Variants in ZNF488 observed in about 807,000 individuals in gnomAD.
ZNF488 encodes the protein zinc finger protein 488.
ZNF488 carries 1 observed loss-of-function variant against 1.2 expected under a neutral mutation model. That is an observed-to-expected ratio of 0.86 (90% CI 0.30 to 4.07). The LOEUF (loss-of-function observed/expected upper bound fraction) is 4.07, where lower values mean the gene tolerates loss of function less well. Among genes scored for constraint, ZNF488 ranks in the 30% most tolerant of loss-of-function variants. The pLI is 0.18. For synonymous variants in ZNF488, 185 were observed against 190.1 expected (o/e 0.97, Z 0.22); for missense variants, 450 against 437.9 (o/e 1.03, Z -0.25).
chr10:47,367,680 T>G lies in ZNF488; in HGVS notation c.*127A>C. 1 of 1,079,020 alleles carries G rather than the reference T, an allele frequency of 9.3e-7. No homozygotes were observed. The highest frequency in any genetic ancestry group is 1.3e-6 in the Non-Finnish European group (1 of 750,084). The allele number at this position is 1,079,020 out of a possible 1,614,324, so 66.8% of individuals were successfully genotyped here. The stretch of plus-strand genomic sequence containing the variant: ...CTTTTTCAAATTATGCCTGAGCTGT[T>G]TATCTATGAATGCCAAAAGCAGCAG... On this transcript the variant is annotated 3_prime_UTR_variant, in exon 2 of 2. Transcript: ENST00000585316.
At chr10:47,375,828 C>T (rs1365895145) in intron 1 of ZNF488, among the ~76,000 whole-genome samples, 1 of 152,172 alleles carries the variant, frequency 6.6e-6, no homozygotes, top group Non-Finnish European at 1.5e-5. Context: ...TAATTCTGGG[C>T]ACCAGAATAA....
At chr10:47,379,371 G>A (rs4922519) in intron 1 of ZNF488, among the ~76,000 whole-genome samples, 18,907 of 151,274 alleles carry the variant, frequency 0.12, 1,654 homozygotes, top group East Asian at 0.36. Flanking sequence ...TCCTGACACC[G>A]CCAACTGCTG....
chr10:47,369,459 C>T (rs1414057695), intron 1 of ZNF488, among the ~76,000 whole-genome samples: 1 of 152,184 alleles, frequency 6.6e-6, no homozygotes, highest in Non-Finnish European at 1.5e-5. Flanking sequence ...ATGAGGGTCG[C>T]AGTGTTGGAG....
chr10:47,372,881 C>G (rs1311058480), intron 1 of ZNF488, among the ~76,000 whole-genome samples: 1 of 152,210 alleles, frequency 6.6e-6, no homozygotes, highest in African/African-American at 2.4e-5. Flanking sequence ...GGGGTTCAAC[C>G]TCATGTGTGT....
intron 1 of ZNF488, among the ~76,000 whole-genome samples, chr10:47,379,985 C>T (rs1387999509): frequency 2.0e-5 from 3 of 152,296 alleles, no homozygotes. Context: ...GTCCAGACCG[C>T]TGTGGGCACA....
At chr10:47,379,731 T>TA (rs1555214942) in intron 1 of ZNF488, among the ~76,000 whole-genome samples, 8 of 126,180 alleles carry the variant, frequency 6.3e-5, no homozygotes, top group East Asian at 4.5e-4. Context: ...ACAGCCTTCT[T>TA]CTTAGTCTAG....
intron 1 of ZNF488, 138 bp from the exon 2 acceptor site, chr10:47,369,075 C>A (rs1837363844): frequency 3.9e-6 from 2 of 519,288 alleles, no homozygotes; most frequent in African/African-American, 3.9e-5. Context: ...GACTGCACCA[C>A]CTCTCAGGAG....
chr10:47,369,892 T>C (rs546194850), intron 1 of ZNF488, among the ~76,000 whole-genome samples: 1 of 152,306 alleles, frequency 6.6e-6, no homozygotes, highest in African/African-American at 2.4e-5. Context: ...GAAGGCAAAC[T>C]CTAAGAACCC....
rs1555213346 is a variant in ZNF488 at position 47,368,665 on chromosome 10, G to A, written c.165C>T (p.Arg55=). 1.9e-6 allele frequency: 3 copies of A among 1,612,126 alleles called. No homozygotes were observed. Among genetic ancestry groups the A allele is most frequent in the Non-Finnish European group, 2.5e-6 (3 of 1,180,000 alleles). ...TGCCCACAGCAGCCTCAGGGCCCAG[G>A]CGGTTCGTCTTCTCGAGCAGCACTG... ...CKPVLLEKTN[R]LGPEAAVGRA... The change falls in exon 2 of 2, where the codon CGC becomes CGT. Residue 55 remains arginine, a synonymous_variant. Coordinates refer to ENST00000585316, the MANE Select transcript of ZNF488 (RefSeq NM_153034.4).
In ZNF488 at chr10:47,368,584, C is replaced by T. The variant is rs782369212; in HGVS notation, c.246G>A (p.Lys82=). ...AELALLVAPG[K]PRPGKPLPPK... The stretch of plus-strand genomic sequence containing the variant: ...GGGGCAGCGGCTTGCCAGGTCGGGG[C>T]TTGCCTGGGGCTACCAACAGTGCCA... Residue 82 remains lysine, a synonymous_variant, in exon 2 of 2, where the codon AAG becomes AAA. Coordinates refer to ENST00000585316, the MANE Select transcript of ZNF488 (RefSeq NM_153034.4). The T allele has an allele frequency of 1.2e-6, 2 of 1,611,130 alleles. No homozygotes were observed. The highest frequency in any genetic ancestry group is 1.7e-5 in the Admixed American group (1 of 59,994).
chr10:47,368,994 G>T, intron 1 of ZNF488, 57 bp from the exon 2 acceptor site: 2 of 769,104 alleles, frequency 2.6e-6, no homozygotes, highest in Non-Finnish European at 4.0e-6. Context: ...CAGGCACAGT[G>T]CATCATGAGC....
intron 1 of ZNF488, among the ~76,000 whole-genome samples, chr10:47,381,618 T>C (rs1837959217): frequency 6.6e-6 from 1 of 151,894 alleles, no homozygotes; most frequent in Non-Finnish European, 1.5e-5. Context: ...CTAGCAGCAA[T>C]GCCTGCTGCA....
chr10:47,370,842 G>GA (rs1444598124), intron 1 of ZNF488, among the ~76,000 whole-genome samples: 4 of 152,142 alleles, frequency 2.6e-5, no homozygotes, highest in Non-Finnish European at 4.4e-5. Flanking sequence ...TACACCAAAG[G>GA]AAAAACCCCA....
chr10:47,368,859 G>C lies in ZNF488; in HGVS notation c.-30C>G. ...CAGTCTTTGGGGGTTTGGGGTTCTGGAGGGCTTGGCCCAGCAAGGAGCCAT... is the reference window on the plus strand; with the variant it reads ...CAGTCTTTGGGGGTTTGGGGTTCTGCAGGGCTTGGCCCAGCAAGGAGCCAT... On this transcript the variant is annotated 5_prime_UTR_variant, in exon 2 of 2. Coordinates refer to ENST00000585316, the MANE Select transcript of ZNF488 (RefSeq NM_153034.4). 6.5e-7 allele frequency: 1 copy of C among 1,550,182 alleles called. No homozygotes were observed. Among genetic ancestry groups the C allele is most frequent in the Non-Finnish European group, 8.7e-7 (1 of 1,150,332 alleles).
intron 1 of ZNF488, among the ~76,000 whole-genome samples, chr10:47,372,374 G>A (rs1374698145): frequency 1.3e-5 from 2 of 152,184 alleles, no homozygotes; most frequent in Non-Finnish European, 2.9e-5. Context: ...AACTGGCCAA[G>A]AACAGAGCCG....
At position 47,367,842 on chromosome 10, in the gene ZNF488, G is replaced by A; in HGVS notation, c.988C>T (p.His330Tyr). ...PVCQEHFRERHHLSRHMTSHS is the reference protein window; with the variant it reads ...PVCQEHFRERYHLSRHMTSHS ...GAAGTCATGTGCCGGGAGAGGTGGT[G>A]GCGCTCCCGGAAGTGCTCCTGGCAC... is the stretch of plus-strand genomic sequence containing the variant. The change falls in exon 2 of 2, where the codon CAC becomes TAC. Residue 330 changes from histidine (H) to tyrosine (Y), a missense_variant. His to Tyr is a moderately conservative substitution (Grantham distance 83). Transcript: ENST00000585316. The A allele has an allele frequency of 6.2e-7, 1 of 1,613,178 alleles. No individual in the cohort carries two copies. The highest frequency in any genetic ancestry group is 8.5e-7 in the Non-Finnish European group (1 of 1,179,742).
chr10:47,374,023 G>A (rs782785657), intron 1 of ZNF488, among the ~76,000 whole-genome samples: 2 of 152,198 alleles, frequency 1.3e-5, no homozygotes, highest in Non-Finnish European at 2.9e-5. Context: ...AGGAAAGCTT[G>A]CTGGTTAAGA....
intron 1 of ZNF488, among the ~76,000 whole-genome samples, chr10:47,376,608 A>G (rs1837690828): frequency 6.6e-6 from 1 of 152,104 alleles, no homozygotes; most frequent in Admixed American, 6.5e-5. Flanking sequence ...CACCGTGCAA[A>G]GTCAGAGAAC....
chr10:47,369,007 G>A, intron 1 of ZNF488, 70 bp from the exon 2 acceptor site: 1 of 697,870 alleles, frequency 1.4e-6, no homozygotes, highest in East Asian at 2.9e-5. Context: ...TCATGAGCTG[G>A]CATCAGACAG....
Sources: allele counts gnomAD v4.1 joint callset (sites outside exome capture counted in the v4.1 genomes callset), GRCh38; gene constraint gnomAD v4.1.1; transcripts MANE v1.5; gene names NCBI Gene and HGNC (gene_info 2026-07-23, HGNC 2026-07-21).